Variants in FRAS1 observed in about 807,000 individuals in gnomAD.
The protein encoded by FRAS1 is extracellular matrix organizing protein FRAS1.
FRAS1 carries 290 observed loss-of-function variants against 435.2 expected under a neutral mutation model. The observed-to-expected ratio is 0.67, with a 90% confidence interval of 0.61 to 0.73. The LOEUF is 0.73. Ranked by LOEUF, FRAS1 falls within the 30% of genes least tolerant of loss-of-function variation. The probability of loss-of-function intolerance (pLI) is 0.00; values close to 1 mark genes in which losing one functional copy is unlikely to be tolerated. For missense variants in FRAS1, 4,860 were observed against 5,001.5 expected (o/e 0.97, Z 0.85); for synonymous variants, 1,800 against 1,851.0 (o/e 0.97, Z 0.71).
rs774319039 is a variant in FRAS1 at position 78,513,392 on chromosome 4, A to C, written c.10014A>C (p.Arg3338Ser). 4 of 1,613,560 alleles carry C rather than the reference A, an allele frequency of 2.5e-6. No homozygotes were observed. Among genetic ancestry groups the C allele is most frequent in the Non-Finnish European group, 3.4e-6 (4 of 1,179,688 alleles). The part of the protein sequence containing the change: ...LDVKHKEHPN[R>S]IHISVQIPHQ... ...TTTATTTCTGCCTTTTTCCCCCTAG[A>C]ATCCACATTTCGGTGCAGATCCCAC... Residue 3338 changes from arginine (R) to serine (S), a missense_variant and splice_region_variant, in exon 65 of 74, where the codon AGA (arginine) becomes AGC (serine). Coordinates refer to ENST00000512123, the MANE Select transcript of FRAS1 (RefSeq NM_025074.7).
chr4:78,530,699 T>A (rs1721684232), intron 70 of FRAS1, among the ~76,000 whole-genome samples: 1 of 152,178 alleles, frequency 6.6e-6, no homozygotes, highest in Non-Finnish European at 1.5e-5. Context: ...TTGGTCTATA[T>A]ATCTCTTTTG....
In FRAS1 at chr4:78,369,884, C is replaced by T. The variant is rs1237178331; in HGVS notation, c.2769C>T (p.Thr923=). Residue 923 remains threonine (T), a synonymous_variant, in exon 23 of 74, where the codon ACC becomes ACT. Transcript: ENST00000512123. ...GCTGTGATTCACAGGCCAGCTGTAC[C>T]TCCTGCCGAGATCCAAACAAGGTTC... ...CGSCDSQASC[T]SCRDPNKVLL... 2.5e-6 allele frequency: 4 copies of T among 1,613,672 alleles called. No homozygotes were observed. The highest frequency in any genetic ancestry group is 3.4e-6 in the Non-Finnish European group (4 of 1,179,768).
chr4:78,256,202 A>G (rs1300365133), intron 6 of FRAS1, among the ~76,000 whole-genome samples: 2 of 152,234 alleles, frequency 1.3e-5, no homozygotes, highest in Non-Finnish European at 2.9e-5. Flanking sequence ...AGGCAATTAG[A>G]CAAGAAATGC....
intron 60 of FRAS1, among the ~76,000 whole-genome samples, chr4:78,497,585 A>G (rs1254575075): frequency 6.6e-6 from 1 of 152,222 alleles, no homozygotes. Context: ...AACTATGCTA[A>G]GCATATTATA....
chr4:78,223,489 G>A (rs960518526), intron 2 of FRAS1, among the ~76,000 whole-genome samples: 1 of 152,170 alleles, frequency 6.6e-6, no homozygotes, highest in Admixed American at 6.5e-5. Context: ...TCATCTTGGT[G>A]GTTTTGGCCC....
chr4:78,250,523 T>C (rs1725482986), intron 4 of FRAS1, among the ~76,000 whole-genome samples: 1 of 152,212 alleles, frequency 6.6e-6, no homozygotes. Context: ...AATCATTTTC[T>C]TCAGATAACA....
chr4:78,180,103 C>T (rs1316636498), intron 2 of FRAS1, among the ~76,000 whole-genome samples: 2 of 152,124 alleles, frequency 1.3e-5, no homozygotes, highest in Non-Finnish European at 2.9e-5. Flanking sequence ...AACATTCATT[C>T]ATTCAACAAC....
At chr4:78,518,914 G>T (rs1721299812) in intron 66 of FRAS1, among the ~76,000 whole-genome samples, 1 of 152,144 alleles carries the variant, frequency 6.6e-6, no homozygotes, top group Non-Finnish European at 1.5e-5. Flanking sequence ...GTTGACTTGG[G>T]CTCTCCCACA....
At chr4:78,295,558 G>A (rs942440940) in intron 14 of FRAS1, among the ~76,000 whole-genome samples, 1 of 152,036 alleles carries the variant, frequency 6.6e-6, no homozygotes, top group Non-Finnish European at 1.5e-5. Context: ...TCATTGGTCT[G>A]GGCCAAGCTA....
intron 67 of FRAS1, among the ~76,000 whole-genome samples, chr4:78,520,982 G>C (rs1480445409): frequency 6.6e-6 from 1 of 152,046 alleles, no homozygotes; most frequent in Non-Finnish European, 1.5e-5. Context: ...CTTTGGTTTT[G>C]TTCTTTCTGA....
intron 2 of FRAS1, among the ~76,000 whole-genome samples, chr4:78,168,680 T>C (rs971457804): frequency 1.3e-5 from 2 of 152,136 alleles, no homozygotes; most frequent in Non-Finnish European, 2.9e-5. Flanking sequence ...ACTGTTGTCC[T>C]ACTTTTCTCC....
intron 14 of FRAS1, among the ~76,000 whole-genome samples, chr4:78,290,462 T>TTTCTTTC (rs1491466966): frequency 1.7e-5 from 1 of 57,282 alleles, no homozygotes; most frequent in African/African-American, 6.6e-5. Context: ...TCTTTCTTTC[T>TTTCTTTC]TTTTTTTTTT....
At position 78,446,542 on chromosome 4, in the gene FRAS1, C is replaced by T. The variant is rs547647042; in HGVS notation, c.5857-185C>T. ...GTCCATCAGCTTCTTTTGAAGGGGG[C>T]ATTTTGTTGCCTGGACTTGCTCTCT... On this transcript the variant is annotated intron_variant, in intron 42 of 73. Transcript: ENST00000512123. 118 of 1,363,102 alleles carry T rather than the reference C, an allele frequency of 8.7e-5. No homozygotes were observed. The African/African-American group carries it at 1.6e-3, about 19-fold the overall frequency. 84.4% of individuals were successfully genotyped at this position (1,363,102 alleles called of 1,614,324 possible). A position where few individuals can be genotyped will look rare whatever the true frequency, so the allele number is the denominator to read the frequency against.
At chr4:78,395,344 A>G (rs1218757763) in intron 29 of FRAS1, among the ~76,000 whole-genome samples, 4 of 151,986 alleles carry the variant, frequency 2.6e-5, no homozygotes, top group Non-Finnish European at 4.4e-5. Flanking sequence ...CTGCTGTTAT[A>G]TGTAATATTC....
At chr4:78,338,642 T>C (rs183190306) in intron 20 of FRAS1, among the ~76,000 whole-genome samples, 106 of 152,098 alleles carry the variant, frequency 7.0e-4, no homozygotes, top group African/African-American at 2.3e-3. Flanking sequence ...ACTGGGCAAA[T>C]GGGAAAGGTG....
intron 22 of FRAS1, among the ~76,000 whole-genome samples, chr4:78,368,700 G>A (rs939185837): frequency 2.6e-5 from 4 of 152,194 alleles, no homozygotes; most frequent in African/African-American, 9.7e-5. Flanking sequence ...TGAAAAACAT[G>A]TAGAGCATGC....
At chr4:78,221,025 A>G (rs922270468) in intron 2 of FRAS1, among the ~76,000 whole-genome samples, 9 of 152,192 alleles carry the variant, frequency 5.9e-5, no homozygotes, top group Admixed American at 2.6e-4. Context: ...AAAATTAGCC[A>G]GATGTGGTGG....
At chr4:78,378,173 T>C (rs1357699221) in intron 26 of FRAS1, among the ~76,000 whole-genome samples, 2 of 152,178 alleles carry the variant, frequency 1.3e-5, no homozygotes, top group Admixed American at 1.3e-4. Flanking sequence ...ACTTACAATA[T>C]ATGGCCTTTT....
In FRAS1 at chr4:78,400,903, T is replaced by A; in HGVS notation, c.4129+16T>A. The A allele has an allele frequency of 6.2e-7, 1 of 1,612,250 alleles. No individual in the cohort carries two copies. The highest frequency in any genetic ancestry group is 1.1e-5 in the South Asian group (1 of 90,732). On this transcript the variant is annotated intron_variant, in intron 30 of 73. Coordinates refer to ENST00000512123, the MANE Select transcript of FRAS1 (RefSeq NM_025074.7). ...CCCCAGTTTGGTAACTATTTTTTCCTTTGGCGTGGTTTCATCGTTGCATTC... is the reference window on the plus strand; with the variant it reads ...CCCCAGTTTGGTAACTATTTTTTCCATTGGCGTGGTTTCATCGTTGCATTC...
Sources: allele counts gnomAD v4.1 joint callset (sites outside exome capture counted in the v4.1 genomes callset), GRCh38; gene constraint gnomAD v4.1.1; transcripts MANE v1.5; gene names NCBI Gene and HGNC (gene_info 2026-07-23, HGNC 2026-07-21).